INTS7: variants seen among roughly 807,000 people sequenced by gnomAD.
The protein encoded by INTS7 is chromosome 1 open reading frame 73.
Under a neutral mutation model 109.2 loss-of-function variants are expected in INTS7, and 46 were observed. That is an observed-to-expected ratio of 0.42 (90% CI 0.33 to 0.54). INTS7 has a LOEUF of 0.54. Among genes scored for constraint, INTS7 ranks in the 20% least tolerant of loss-of-function variants. The pLI is 0.07. For synonymous variants in INTS7, 412 were observed against 402.9 expected (o/e 1.02, Z -0.27); for missense variants, 929 against 1,132.4 (o/e 0.82, Z 2.58).
chr1:211,950,082 AC>A, intron 17 of INTS7, among the ~76,000 whole-genome samples: 1 of 152,264 alleles, frequency 6.6e-6, no homozygotes, highest in South Asian at 2.1e-4. Context: ...ATGCACATAT[AC>A]TGTATTGTGT....
intron 8 of INTS7, among the ~76,000 whole-genome samples, chr1:211,984,688 T>TGAGAGAAAA (rs1163643097): frequency 6.6e-6 from 1 of 152,204 alleles, no homozygotes; most frequent in Non-Finnish European, 1.5e-5. Context: ...AAAAGGCTAG[T>TGAGAGAAAA]GAGAGAAAAG....
intron 7 of INTS7, among the ~76,000 whole-genome samples, chr1:211,994,484 C>T (rs994595769): frequency 1.3e-4 from 19 of 144,720 alleles, no homozygotes; most frequent in African/African-American, 4.1e-4. Flanking sequence ...AGTGCAATGG[C>T]GTGATCTCAG....
chr1:212,022,788 T>A (rs1171712851), intron 1 of INTS7, among the ~76,000 whole-genome samples: 5 of 152,184 alleles, frequency 3.3e-5, no homozygotes, highest in Non-Finnish European at 4.4e-5. Flanking sequence ...CATGTGCAAG[T>A]TTGCTAATGG....
At chr1:211,967,792 T>G in intron 15 of INTS7, 86 bp downstream of exon 15, 1 of 706,346 alleles carries the variant, frequency 1.4e-6, no homozygotes, top group South Asian at 1.8e-5. Context: ...TAACATGTAT[T>G]TTGTAGGTAA....
intron 1 of INTS7, among the ~76,000 whole-genome samples, chr1:212,026,974 C>T (rs1015403896): frequency 4.6e-5 from 7 of 152,092 alleles, no homozygotes; most frequent in South Asian, 2.1e-4. Context: ...TTGAATGAAG[C>T]GAGAGAATGT....
At chr1:211,957,833 T>TAA (rs2102396766) in intron 16 of INTS7, among the ~76,000 whole-genome samples, 1 of 152,262 alleles carries the variant, frequency 6.6e-6, no homozygotes, top group Admixed American at 6.5e-5. Context: ...TGGAGTTTTA[T>TAA]ATTTTAGTAT....
chr1:212,033,078 T>C (rs147049248), intron 1 of INTS7, among the ~76,000 whole-genome samples: 191 of 152,308 alleles, frequency 1.3e-3, no homozygotes, highest in African/African-American at 4.4e-3. Flanking sequence ...AGGAGTTTTG[T>C]CTCATTAACT....
At position 211,949,347 on chromosome 1, in the gene INTS7, A is replaced by G. The variant is rs536665963; in HGVS notation, c.2317-2642T>C. Among the ~76,000 whole-genome samples the G allele has an allele frequency of 1.3e-3, 203 of 152,282 alleles. 2 individuals are homozygous for G. The highest frequency in any genetic ancestry group is 1.5e-3 in the Non-Finnish European group (103 of 68,024). ...CAACGTATTTACTATCCAACTGCCT[A>G]AAGACAGCAACATGTTTGAAAGTAA... is the stretch of plus-strand genomic sequence containing the variant. On this transcript the variant is annotated intron_variant, in intron 17 of 19. Transcript: ENST00000366994.
chr1:211,985,193 A>G (rs1244343401), intron 8 of INTS7, among the ~76,000 whole-genome samples: 1 of 152,176 alleles, frequency 6.6e-6, no homozygotes, highest in Admixed American at 6.5e-5. Flanking sequence ...CATGTTTATC[A>G]AACTTCTAAA....
chr1:212,032,759 G>A (rs12752225), intron 1 of INTS7, among the ~76,000 whole-genome samples: 5,654 of 152,216 alleles, frequency 0.037, 120 homozygotes, highest in African/African-American at 0.043. Flanking sequence ...GATTACAGGC[G>A]TGAACCACCA....
intron 1 of INTS7, among the ~76,000 whole-genome samples, chr1:212,031,883 T>A (rs552225796): frequency 1.3e-5 from 2 of 152,214 alleles, no homozygotes; most frequent in African/African-American, 4.8e-5. Flanking sequence ...CAGTTATAAA[T>A]ATATAACAGG....
At chr1:211,969,209 C>T (rs1454076500) in intron 13 of INTS7, among the ~76,000 whole-genome samples, 2 of 151,274 alleles carry the variant, frequency 1.3e-5, no homozygotes, top group African/African-American at 4.9e-5. Flanking sequence ...GGCGTGAACC[C>T]GGGAGGCGGA....
At chr1:211,972,936 C>A (rs1664246556) in intron 13 of INTS7, among the ~76,000 whole-genome samples, 1 of 152,176 alleles carries the variant, frequency 6.6e-6, no homozygotes, top group Admixed American at 6.5e-5. Flanking sequence ...GCAGAGGACC[C>A]AGCTAAGCCA....
rs577489610 is a variant in INTS7, at chr1:212,008,999, C to T, written c.557-1550G>A. Reference sequence around the variant, plus strand: ...ACTCCACTCTTATATCCCCCTCTTTCCTCCACTGCAAGTTTATTCTCAACC... The same window carrying T: ...ACTCCACTCTTATATCCCCCTCTTTTCTCCACTGCAAGTTTATTCTCAACC... On this transcript the variant is annotated intron_variant, in intron 5 of 19. Coordinates refer to ENST00000366994, the MANE Select transcript of INTS7 (RefSeq NM_015434.4). Among the ~76,000 whole-genome samples the T allele has an allele frequency of 7.2e-5, 11 of 152,288 alleles. No homozygotes were observed. In the South Asian group the frequency reaches 1.9e-3, roughly 26 times the overall value.
intron 7 of INTS7, among the ~76,000 whole-genome samples, chr1:211,995,100 A>G (rs1262614495): frequency 2.0e-5 from 3 of 152,102 alleles, no homozygotes; most frequent in Non-Finnish European, 4.4e-5. Flanking sequence ...AATTTGCAAC[A>G]TTTCAGCCAT....
chr1:211,968,614 T>C lies in INTS7; in HGVS notation c.1909A>G (p.Thr637Ala). 4.3e-6 allele frequency: 7 copies of C among 1,613,440 alleles called. No individual in the cohort carries two copies. The highest frequency in any genetic ancestry group is 5.9e-6 in the Non-Finnish European group (7 of 1,179,834). Residue 637 changes from threonine to alanine, a missense_variant, in exon 14 of 20, where the codon ACT becomes GCT. Thr to Ala is a moderately conservative substitution (Grantham distance 58). This residue lies in a region of INTS7 where 787 missense variants were observed against 901.1 expected (regional missense o/e 0.87). Transcript: ENST00000366994. ...GGGCTTGTCTTCAGGCTATTACAAG[T>C]ACAGATAAGTTGAGAGAAGGCTTGT... ...LLQAFSQLIC[T>A]CNSLKTSPPP...
chr1:211,966,371 G>A, intron 16 of INTS7, 59 bp downstream of exon 16: 1 of 946,312 alleles, frequency 1.1e-6, no homozygotes, highest in Non-Finnish European at 1.7e-6. Context: ...CTGATGATTA[G>A]GTAAGACAAT....
At chr1:212,023,421 G>C (rs868583413) in intron 1 of INTS7, among the ~76,000 whole-genome samples, 3 of 152,006 alleles carry the variant, frequency 2.0e-5, no homozygotes, top group South Asian at 2.1e-4. Flanking sequence ...GTTATTTTTT[G>C]ACTTTTCAAT....
Position 212,035,518 on chromosome 1 carries a change from C to T in INTS7, c.-81G>A, listed in dbSNP as rs1489632188. 2.7e-6 allele frequency: 3 copies of T among 1,114,564 alleles called. No individual in the cohort carries two copies. In the South Asian group the frequency reaches 3.7e-5, roughly 14 times the overall value. 69.0% of individuals were successfully genotyped at this position (1,114,564 alleles called of 1,614,324 possible). On this transcript the variant is annotated 5_prime_UTR_variant, in exon 1 of 20. Coordinates refer to ENST00000366994, the MANE Select transcript of INTS7 (RefSeq NM_015434.4). ...GACCGCCATCTTCCCCCGCCGCCTT[C>T]TTGCTGGTTTTTCTTCCGCGCGCTG... is the stretch of plus-strand genomic sequence containing the variant.
Sources: allele counts gnomAD v4.1 joint callset (sites outside exome capture counted in the v4.1 genomes callset), GRCh38; gene constraint gnomAD v4.1.1; regional missense constraint gnomAD v4.1.1; transcripts MANE v1.5; gene names NCBI Gene and HGNC (gene_info 2026-07-23, HGNC 2026-07-21).